Variants in TUSC3 observed in about 807,000 individuals in gnomAD.
The protein encoded by TUSC3 is dolichyl-diphosphooligosaccharide--protein glycosyltransferase subunit TUSC3.
TUSC3 carries 45 observed loss-of-function variants against 44.8 expected under a neutral mutation model. That is an observed-to-expected ratio of 1.00 (90% confidence interval 0.79 to 1.29). TUSC3 has a LOEUF of 1.29. Ranked by LOEUF, TUSC3 falls within the 50% of genes most tolerant of loss-of-function variation. The pLI is 0.00. For missense variants in TUSC3, 519 were observed against 437.9 expected (o/e 1.19, Z -1.65); for synonymous variants, 212 against 152.9 (o/e 1.39, Z -2.85).
At chr8:15,827,959 C>A in the TUSC3 span, among the ~76,000 whole-genome samples, 1 of 150,908 alleles carries the variant, frequency 6.6e-6, no homozygotes, top group African/African-American at 2.4e-5. Context: ...TACTGAAGTC[C>A]TAACACCCCA....
intron 6 of TUSC3, among the ~76,000 whole-genome samples, chr8:15,678,438 A>G (rs1563168095): frequency 6.6e-6 from 1 of 152,192 alleles, no homozygotes; most frequent in Non-Finnish European, 1.5e-5. Context: ...AAATAATGAA[A>G]AAACCACATT....
chr8:15,681,046 TTTG>T (rs1176422799), intron 6 of TUSC3, among the ~76,000 whole-genome samples: 1 of 152,090 alleles, frequency 6.6e-6, no homozygotes, highest in Non-Finnish European at 1.5e-5. Flanking sequence ...TGTGTAAATT[TTTG>T]TTGTTGTGTC....
intron 1 of TUSC3, among the ~76,000 whole-genome samples, chr8:15,446,702 C>G (rs1647515610): frequency 8.6e-6 from 1 of 116,350 alleles, no homozygotes; most frequent in Non-Finnish European, 1.6e-5. Flanking sequence ...GGCTCGGCAT[C>G]AGAGGGAGAC....
intron 1 of TUSC3, among the ~76,000 whole-genome samples, chr8:15,575,321 T>A (rs1803055282): frequency 6.6e-6 from 1 of 152,214 alleles, no homozygotes; most frequent in African/African-American, 2.4e-5. Flanking sequence ...GAGAATTATT[T>A]GATTTTATTT....
intron 1 of TUSC3, among the ~76,000 whole-genome samples, chr8:15,465,838 G>C (rs1800406590): frequency 6.6e-6 from 1 of 152,108 alleles, no homozygotes; most frequent in Non-Finnish European, 1.5e-5. Flanking sequence ...TTTCTCTCGA[G>C]TCTACTTTAG....
At chr8:15,454,435 C>T (rs1032262456) in intron 1 of TUSC3, among the ~76,000 whole-genome samples, 1 of 152,166 alleles carries the variant, frequency 6.6e-6, no homozygotes, top group Non-Finnish European at 1.5e-5. Flanking sequence ...AATAGAGTGA[C>T]TGTTAACAGA....
the TUSC3 span, among the ~76,000 whole-genome samples, chr8:15,796,635 A>G: frequency 6.6e-6 from 1 of 152,176 alleles, no homozygotes; most frequent in Non-Finnish European, 1.5e-5. Context: ...CATTTAGGGG[A>G]CCACTGTGGA....
chr8:15,646,492 A>G (rs1407814041), intron 2 of TUSC3, among the ~76,000 whole-genome samples: 2 of 152,116 alleles, frequency 1.3e-5, no homozygotes, highest in African/African-American at 4.8e-5. Flanking sequence ...TTGAAGGCAA[A>G]TTGAATTCAT....
At chr8:15,453,647 C>T (rs566409340) in intron 1 of TUSC3, among the ~76,000 whole-genome samples, 1 of 152,150 alleles carries the variant, frequency 6.6e-6, no homozygotes, top group Non-Finnish European at 1.5e-5. Context: ...ACAAACACAA[C>T]TTAAATATAT....
At chr8:15,446,479 A>T (rs1800104076) in intron 1 of TUSC3, among the ~76,000 whole-genome samples, 6 of 152,014 alleles carry the variant, frequency 3.9e-5, no homozygotes. Context: ...CAATCCCGGC[A>T]CCTCAGGAGG....
chr8:15,561,953 A>G (rs1802489725), intron 1 of TUSC3, among the ~76,000 whole-genome samples: 1 of 152,188 alleles, frequency 6.6e-6, no homozygotes, highest in South Asian at 2.1e-4. Flanking sequence ...AAATGCAGAA[A>G]TCACCATCTT....
At chr8:15,468,986 A>G (rs920435373) in intron 1 of TUSC3, among the ~76,000 whole-genome samples, 6 of 143,938 alleles carry the variant, frequency 4.2e-5, no homozygotes, top group African/African-American at 1.5e-4. Flanking sequence ...TTGACCCTGA[A>G]GAGAATTAAT....
At chr8:15,554,187 A>C (rs1802156531) in intron 1 of TUSC3, among the ~76,000 whole-genome samples, 1 of 151,654 alleles carries the variant, frequency 6.6e-6, no homozygotes, top group African/African-American at 2.4e-5. Flanking sequence ...GTATCATCAC[A>C]ATGGTGATAA....
chr8:15,448,135 T>TTTATTTATTTA (rs1800134068), intron 1 of TUSC3, among the ~76,000 whole-genome samples: 1 of 24,146 alleles, frequency 4.1e-5, no homozygotes, highest in Non-Finnish European at 1.1e-4. Flanking sequence ...TTATTTATTT[T>TTTATTTATTTA]TTAGATGGAG....
intron 6 of TUSC3, among the ~76,000 whole-genome samples, chr8:15,727,414 A>T (rs996366279): frequency 6.6e-6 from 1 of 152,138 alleles, no homozygotes; most frequent in African/African-American, 2.4e-5. Context: ...TGTAATTTGT[A>T]AGCTGCTTGA....
the TUSC3 span, among the ~76,000 whole-genome samples, chr8:15,840,531 G>C: frequency 1.3e-5 from 2 of 152,076 alleles, no homozygotes; most frequent in African/African-American, 2.4e-5. Flanking sequence ...ATTTTAAAAT[G>C]TCAATTTAGT....
At chr8:15,759,107 ACT>A (rs1303287814) in intron 10 of TUSC3, among the ~76,000 whole-genome samples, 1 of 152,106 alleles carries the variant, frequency 6.6e-6, no homozygotes, top group African/African-American at 2.4e-5. Context: ...AAAAAGAATG[ACT>A]CAGTGAGTTA....
the TUSC3 span, chr8:15,806,723 G>C: frequency 1.2e-6 from 1 of 812,594 alleles, no homozygotes. Flanking sequence ...TTTGGATACA[G>C]CCAGAGAGGC....
intron 1 of TUSC3, among the ~76,000 whole-genome samples, chr8:15,576,284 TTTTTTTTA>T (rs772245819): frequency 5.6e-5 from 8 of 141,754 alleles, no homozygotes; most frequent in South Asian, 2.2e-4. Context: ...CTCTTGTTTT[TTTTTTTTA>T]TTTTTTTATT....
Sources: allele counts gnomAD v4.1 joint callset (sites outside exome capture counted in the v4.1 genomes callset), GRCh38; gene constraint gnomAD v4.1.1; transcripts MANE v1.5; gene names NCBI Gene and HGNC (gene_info 2026-07-23, HGNC 2026-07-21).